Variants in PTPRQ observed in about 807,000 individuals in gnomAD.
PTPRQ encodes protein tyrosine phosphatase receptor type Q, also known as phosphatidylinositol phosphatase PTPRQ.
Under a neutral mutation model 246.0 loss-of-function variants are expected in PTPRQ, and 199 were observed. The observed-to-expected ratio is 0.81, with a 90% confidence interval of 0.72 to 0.91. PTPRQ has a LOEUF of 0.91. Ranked by LOEUF, PTPRQ falls within the 40% of genes least tolerant of loss-of-function variation. The probability of loss-of-function intolerance (pLI) is 0.00; values close to 1 mark genes in which losing one functional copy is unlikely to be tolerated. For missense variants in PTPRQ, 2,624 were observed against 2,528.4 expected (o/e 1.04, Z -0.81); for synonymous variants, 869 against 853.2 (o/e 1.02, Z -0.32).
chr12:80,587,845 A>G (rs1481158710), intron 25 of PTPRQ, among the ~76,000 whole-genome samples: 1 of 152,162 alleles, frequency 6.6e-6, no homozygotes, highest in Non-Finnish European at 1.5e-5. Context: ...AAATAGTTCT[A>G]TTTGAAGCCA....
At chr12:80,506,945 G>C (rs190507070) in intron 16 of PTPRQ, among the ~76,000 whole-genome samples, 1 of 151,974 alleles carries the variant, frequency 6.6e-6, no homozygotes, top group Non-Finnish European at 1.5e-5. Flanking sequence ...GATTTTCAAG[G>C]CTTAAAATTT....
At chr12:80,660,759 A>C (rs991798647) in intron 39 of PTPRQ, among the ~76,000 whole-genome samples, 2 of 152,078 alleles carry the variant, frequency 1.3e-5, no homozygotes, top group Non-Finnish European at 2.9e-5. Context: ...ATAATACTAA[A>C]GGATATTGTG....
At chr12:80,635,614 A>G (rs11835752) in intron 35 of PTPRQ, among the ~76,000 whole-genome samples, 2,445 of 152,206 alleles carry the variant, frequency 0.016, 76 homozygotes, top group African/African-American at 0.056. Context: ...GGAAAAGTAA[A>G]AACATGTGTA....
At chr12:80,453,379 C>A (rs962661220) in intron 3 of PTPRQ, among the ~76,000 whole-genome samples, 5 of 152,206 alleles carry the variant, frequency 3.3e-5, no homozygotes, top group African/African-American at 1.2e-4. Context: ...GAAAGTCATT[C>A]TCTGTCCAGC....
chr12:80,524,451 T>C (rs538860193), intron 17 of PTPRQ, among the ~76,000 whole-genome samples: 14 of 152,278 alleles, frequency 9.2e-5, no homozygotes, highest in African/African-American at 3.1e-4. Context: ...TCTTTTTCTT[T>C]ATGAATTACC....
At chr12:80,514,402 A>ACACT (rs552667526) in intron 17 of PTPRQ, among the ~76,000 whole-genome samples, 8,052 of 112,964 alleles carry the variant, frequency 0.071, 349 homozygotes, top group Middle Eastern at 0.12. Context: ...ACACACACAC[A>ACACT]CTCTCTCTCT....
At chr12:80,630,532 G>C (rs1899388198) in intron 33 of PTPRQ, among the ~76,000 whole-genome samples, 1 of 152,058 alleles carries the variant, frequency 6.6e-6, no homozygotes, top group Non-Finnish European at 1.5e-5. Flanking sequence ...AGGCTTGGTG[G>C]CAGCAACAGC....
In PTPRQ at chr12:80,648,897, G is replaced by T; in HGVS notation, c.5916G>T (p.Arg1972=). The T allele has an allele frequency of 2.0e-6, 3 of 1,527,066 alleles. No individual in the cohort carries two copies. The highest frequency in any genetic ancestry group is 1.8e-6 in the Non-Finnish European group (2 of 1,136,762). 94.6% of individuals were successfully genotyped at this position (1,527,066 alleles called of 1,614,324 possible). ...DLELKDERLT[R]LLSYRKSIKP... ...GCATTTAACACAATCTCTATTGCAG[G>T]TTACTTAGTTATAGAAAATCCATCA... The change falls in exon 36 of 45, where the codon CGG becomes CGT. Residue 1972 remains arginine (R), a splice_region_variant and synonymous_variant. Coordinates refer to ENST00000644991, the MANE Select transcript of PTPRQ (RefSeq NM_001145026.2).
intron 43 of PTPRQ, among the ~76,000 whole-genome samples, chr12:80,676,440 C>T (rs1192877424): frequency 3.3e-5 from 5 of 151,992 alleles, no homozygotes; most frequent in South Asian, 2.1e-4. Flanking sequence ...GTCAGGAGTT[C>T]GAGACCAGCC....
chr12:80,491,613 A>G (rs1894452041), intron 9 of PTPRQ, among the ~76,000 whole-genome samples: 1 of 151,942 alleles, frequency 6.6e-6, no homozygotes, highest in Non-Finnish European at 1.5e-5. Flanking sequence ...GATTTAGACA[A>G]TTGCATTTTG....
intron 8 of PTPRQ, among the ~76,000 whole-genome samples, chr12:80,483,487 T>G (rs1894151950): frequency 6.6e-6 from 1 of 151,340 alleles, no homozygotes; most frequent in South Asian, 2.1e-4. Context: ...GTAACTAACC[T>G]GCACAATGTG....
chr12:80,581,739 AG>A (rs1420496528), intron 25 of PTPRQ, among the ~76,000 whole-genome samples: 4 of 152,226 alleles, frequency 2.6e-5, no homozygotes, highest in Non-Finnish European at 5.9e-5. Flanking sequence ...GATCACAAAA[AG>A]GTTATATTAA....
intron 6 of PTPRQ, among the ~76,000 whole-genome samples, chr12:80,463,823 A>AT (rs1372145326): frequency 6.6e-6 from 1 of 151,168 alleles, no homozygotes; most frequent in Non-Finnish European, 1.5e-5. Context: ...ATGCTGAGAG[A>AT]TTTTGTCACC....
chr12:80,461,261 A>G (rs12308829), intron 6 of PTPRQ, among the ~76,000 whole-genome samples: 14,614 of 152,112 alleles, frequency 0.096, 1,477 homozygotes, highest in African/African-American at 0.25. Context: ...CATCAAAAGC[A>G]GAAATACCTG....
Position 80,588,388 on chromosome 12 carries a change from T to G in PTPRQ, c.4545T>G (p.Ala1515=). Residue 1515 remains alanine, a synonymous_variant, in exon 26 of 45, where the codon GCT becomes GCG. Coordinates refer to ENST00000644991, the MANE Select transcript of PTPRQ (RefSeq NM_001145026.2). Reference sequence around the variant, plus strand: ...TTAGATGGTATAGATTCCAAGTGGCTGCCAGCACCAATGCTGGCTATGGCA... The same window carrying G: ...TTAGATGGTATAGATTCCAAGTGGCGGCCAGCACCAATGCTGGCTATGGCA... ...KKFRWYRFQV[A]ASTNAGYGNA... is the part of the protein sequence containing the mutation. 6.5e-7 allele frequency: 1 copy of G among 1,530,594 alleles called. No individual in the cohort carries two copies. The highest frequency in any genetic ancestry group is 2.5e-5 in the East Asian group (1 of 40,644). The allele number at this position is 1,530,594 out of a possible 1,614,324, so 94.8% of individuals were successfully genotyped here.
intron 31 of PTPRQ, 40 bp downstream of exon 31, chr12:80,619,582 T>C: frequency 6.4e-6 from 9 of 1,411,932 alleles, no homozygotes; most frequent in Non-Finnish European, 7.4e-6. Context: ...AATTGTGGAG[T>C]GTAGATTACT....
chr12:80,444,765 G>C lies in PTPRQ; in HGVS notation c.79G>C (p.Gly27Arg), dbSNP rs1397975118. 6.5e-6 allele frequency: 10 copies of C among 1,539,278 alleles called. No individual in the cohort carries two copies. In the South Asian group the frequency reaches 1.1e-4, roughly 17 times the overall value. The change falls in exon 2 of 45, where the codon GGT (glycine) becomes CGT (arginine). Residue 27 changes from glycine to arginine, a missense_variant. Gly to Arg is a moderately radical substitution (Grantham distance 125, BLOSUM62 -2). Coordinates refer to ENST00000644991, the MANE Select transcript of PTPRQ (RefSeq NM_001145026.2). ...GGTTGATGTTTCCAATGTCGTTCCT[G>C]GTACTAGGTACGATATAACCATCTC... ...TQVDVSNVVPGTRYDITISSI... is the reference protein window; with the variant it reads ...TQVDVSNVVPRTRYDITISSI...
chr12:80,468,895 A>G, intron 7 of PTPRQ, 57 bp downstream of exon 7: 3 of 1,519,860 alleles, frequency 2.0e-6, no homozygotes, highest in Non-Finnish European at 1.8e-6. Context: ...AAAATATGTT[A>G]CCAATATCAA....
intron 9 of PTPRQ, among the ~76,000 whole-genome samples, chr12:80,486,774 T>TTAA (rs1894288870): frequency 6.6e-6 from 1 of 152,158 alleles, no homozygotes; most frequent in African/African-American, 2.4e-5. Context: ...CTTGAAATCT[T>TTAA]ATTAGAAGTC....
Sources: gnomAD v4.1 joint callset for allele counts (sites outside exome capture counted in the v4.1 genomes callset) on GRCh38, gnomAD v4.1.1 for gene constraint, MANE v1.5 for transcripts, NCBI Gene and HGNC (gene_info 2026-07-23, HGNC 2026-07-21) for gene names.